The following LINGO2 variants were observed in gnomAD, a reference collection of about 807,000 sequenced individuals.
LINGO2 encodes leucine rich repeat and Ig domain containing 2, also known as leucine-rich repeat and immunoglobulin-like domain-containing nogo receptor-interacting protein 2.
In LINGO2, 14 loss-of-function variants were observed where a neutral mutation model predicts 30.6. The ratio of observed to expected loss-of-function variants is 0.46; its 90% CI spans 0.30 to 0.72. The LOEUF is 0.72. Among genes scored for constraint, LINGO2 ranks in the 30% least tolerant of loss-of-function variants. The pLI is 0.07. For missense variants in LINGO2, 729 were observed against 751.7 expected (o/e 0.97, Z 0.35); for synonymous variants, 317 against 288.5 (o/e 1.10, Z -1.00).
At chr9:29,202,644 T>C in the LINGO2 span, among the ~76,000 whole-genome samples, 11 of 152,106 alleles carry the variant, frequency 7.2e-5, no homozygotes, top group Non-Finnish European at 1.5e-4. Flanking sequence ...ATCATCCATA[T>C]TCTCAAGCTG....
the LINGO2 span, among the ~76,000 whole-genome samples, chr9:28,724,210 A>G: frequency 1.7e-4 from 26 of 152,248 alleles, no homozygotes; most frequent in African/African-American, 6.3e-4. Flanking sequence ...CTGTTTCTTG[A>G]GTTCTTATTA....
chr9:28,659,398 C>A (rs915503844), intron 1 of LINGO2, among the ~76,000 whole-genome samples: 1 of 151,844 alleles, frequency 6.6e-6, no homozygotes, highest in African/African-American at 2.4e-5. Flanking sequence ...GAAAGATTAC[C>A]TTCTTCAAAG....
intron 1 of LINGO2, among the ~76,000 whole-genome samples, chr9:28,531,527 A>G (rs1381476075): frequency 6.6e-6 from 1 of 152,156 alleles, no homozygotes; most frequent in African/African-American, 2.4e-5. Context: ...GTACTCTACT[A>G]GAATTTTACA....
At chr9:28,144,192 G>A (rs1282096807) in intron 4 of LINGO2, among the ~76,000 whole-genome samples, 1 of 151,944 alleles carries the variant, frequency 6.6e-6, no homozygotes, top group Non-Finnish European at 1.5e-5. Context: ...ATTGTTTTTT[G>A]GAAATGTATG....
At chr9:28,236,482 A>C (rs1238478613) in intron 4 of LINGO2, among the ~76,000 whole-genome samples, 1 of 152,218 alleles carries the variant, frequency 6.6e-6, no homozygotes, top group Non-Finnish European at 1.5e-5. Context: ...AAGTAGAAAG[A>C]CTAAATGATG....
At chr9:28,574,131 C>G (rs957736296) in intron 1 of LINGO2, among the ~76,000 whole-genome samples, 1 of 152,104 alleles carries the variant, frequency 6.6e-6, no homozygotes, top group African/African-American at 2.4e-5. Context: ...ACTTCTAAGC[C>G]TAATCTATGA....
chr9:28,056,284 G>C (rs984283303), intron 4 of LINGO2, among the ~76,000 whole-genome samples: 1 of 152,064 alleles, frequency 6.6e-6, no homozygotes, highest in African/African-American at 2.4e-5. Flanking sequence ...ATTCCTTCTG[G>C]GTGGCAGACT....
At chr9:28,054,064 C>CAAA (rs11461978) in intron 4 of LINGO2, among the ~76,000 whole-genome samples, 10 of 149,084 alleles carry the variant, frequency 6.7e-5, no homozygotes, top group East Asian at 3.9e-4. Flanking sequence ...AGCTAGCAGA[C>CAAA]AAAAAAAAAG....
chr9:28,596,638 A>G (rs1306223832), intron 1 of LINGO2, among the ~76,000 whole-genome samples: 1 of 152,190 alleles, frequency 6.6e-6, no homozygotes, highest in Non-Finnish European at 1.5e-5. Flanking sequence ...TAGTACATTT[A>G]AGACCTAGCT....
At chr9:28,682,724 G>T in the LINGO2 span, among the ~76,000 whole-genome samples, 1 of 151,988 alleles carries the variant, frequency 6.6e-6, no homozygotes, top group Non-Finnish European at 1.5e-5. Context: ...TTTGCAAGGG[G>T]TTAGTGAACT....
At chr9:28,951,543 G>C in the LINGO2 span, among the ~76,000 whole-genome samples, 1 of 152,056 alleles carries the variant, frequency 6.6e-6, no homozygotes, top group South Asian at 2.1e-4. Context: ...AGCTTATTCT[G>C]ACCTGACAGA....
At chr9:28,890,191 TG>T in the LINGO2 span, among the ~76,000 whole-genome samples, 2 of 72,642 alleles carry the variant, frequency 2.8e-5, no homozygotes, top group South Asian at 8.6e-4. Flanking sequence ...CAGGTTTTCT[TG>T]GTTTTTTGTT....
chr9:29,167,144 C>T, the LINGO2 span, among the ~76,000 whole-genome samples: 5 of 152,062 alleles, frequency 3.3e-5, no homozygotes, highest in Non-Finnish European at 7.4e-5. Context: ...CATCACTTTT[C>T]AGATATTCAA....
At chr9:28,506,449 CACACACATACACAT>C (rs1344918135) in intron 1 of LINGO2, among the ~76,000 whole-genome samples, 12 of 107,446 alleles carry the variant, frequency 1.1e-4, no homozygotes, top group African/African-American at 3.9e-4. Context: ...CACACACACA[CACACACATACACAT>C]ACACACACAC....
the LINGO2 span, among the ~76,000 whole-genome samples, chr9:28,928,776 C>A: frequency 6.6e-6 from 1 of 152,048 alleles, no homozygotes; most frequent in Non-Finnish European, 1.5e-5. Flanking sequence ...TGAAATAGTG[C>A]AATTCCCTCA....
At chr9:28,918,644 G>A in the LINGO2 span, among the ~76,000 whole-genome samples, 111,590 of 152,062 alleles carry the variant, frequency 0.73, 41,148 homozygotes, top group Non-Finnish European at 0.78. Context: ...AGATTAAAAT[G>A]TATTAAAATG....
the LINGO2 span, among the ~76,000 whole-genome samples, chr9:28,828,218 C>T: frequency 6.6e-6 from 1 of 151,822 alleles, no homozygotes; most frequent in Non-Finnish European, 1.5e-5. Flanking sequence ...TCCAACTAGA[C>T]CAGGTTGTCT....
chr9:28,736,725 G>C, the LINGO2 span, among the ~76,000 whole-genome samples: 1 of 151,212 alleles, frequency 6.6e-6, no homozygotes. Flanking sequence ...CCAGGAGGCA[G>C]AGGTTGCAGT....
At chr9:28,442,885 T>C (rs1261238872) in intron 2 of LINGO2, among the ~76,000 whole-genome samples, 2 of 152,210 alleles carry the variant, frequency 1.3e-5, no homozygotes, top group Non-Finnish European at 2.9e-5. Context: ...GCTTCAGTGA[T>C]AGAGGATCAA....
Sources: gnomAD v4.1 joint callset for allele counts (sites outside exome capture counted in the v4.1 genomes callset) on GRCh38, gnomAD v4.1.1 for gene constraint, MANE v1.5 for transcripts, NCBI Gene and HGNC (gene_info 2026-07-23, HGNC 2026-07-21) for gene names.